Variants in UNC80 observed in about 807,000 individuals in gnomAD.
UNC80 encodes unc-80 subunit of NALCN channel complex, also known as protein unc-80 homolog.
Under a neutral mutation model 384.6 loss-of-function variants are expected in UNC80, and 164 were observed. The observed-to-expected ratio is 0.43, with a 90% CI of 0.38 to 0.49. The LOEUF (loss-of-function observed/expected upper bound fraction) is 0.49, where lower values mean the gene tolerates loss of function less well. Ranked by LOEUF, UNC80 falls within the 20% of genes least tolerant of loss-of-function variation. The probability of loss-of-function intolerance (pLI) is 0.00; values close to 1 mark genes in which losing one functional copy is unlikely to be tolerated. For missense variants in UNC80, 3,330 were observed against 4,143.0 expected (o/e 0.80, Z 5.39); for synonymous variants, 1,486 against 1,527.8 (o/e 0.97, Z 0.64).
At chr2:209,887,982 T>A (rs972143783) in intron 25 of UNC80, 113 bp from the exon 26 acceptor site, 14 of 893,184 alleles carry the variant, frequency 1.6e-5, no homozygotes, top group South Asian at 4.3e-5. Flanking sequence ...GATAAAGGAA[T>A]CTGGCTGTTT....
chr2:209,837,408 A>T (rs2081398535), intron 18 of UNC80, among the ~76,000 whole-genome samples: 1 of 152,228 alleles, frequency 6.6e-6, no homozygotes, highest in Non-Finnish European at 1.5e-5. Flanking sequence ...AAATGGAAAT[A>T]CCACCAACTA....
chr2:209,886,664 G>A (rs1197727525), intron 25 of UNC80, among the ~76,000 whole-genome samples: 1 of 152,066 alleles, frequency 6.6e-6, no homozygotes, highest in African/African-American at 2.4e-5. Context: ...CCCCCAATGT[G>A]TGATACTGCT....
At chr2:209,785,173 TG>T (rs2077355919) in intron 4 of UNC80, among the ~76,000 whole-genome samples, 2 of 152,162 alleles carry the variant, frequency 1.3e-5, no homozygotes, top group South Asian at 4.1e-4. Context: ...ATATGCAAGC[TG>T]GGGTTGCAAA....
rs572198671 is a variant in UNC80 at position 209,911,364 on chromosome 2, A to G, written c.4783-1196A>G. Among the ~76,000 whole-genome samples the G allele has an allele frequency of 2.0e-5, 3 of 152,332 alleles. No homozygotes were observed. In the South Asian group the frequency reaches 6.2e-4, roughly 32 times the overall value. On this transcript the variant is annotated intron_variant, in intron 29 of 64. Coordinates refer to ENST00000673920, the MANE Select transcript of UNC80 (RefSeq NM_001371986.1). ...TCACAGGGGAAAAAAGCAAAGCAAT[A>G]GTTATCTCCCCAAATAATATGTGTT...
intron 35 of UNC80, among the ~76,000 whole-genome samples, chr2:209,924,800 C>T (rs1202278067): frequency 2.0e-5 from 3 of 150,872 alleles, no homozygotes; most frequent in African/African-American, 7.3e-5. Context: ...GGAAAATGCC[C>T]TGGGGATAAA....
At chr2:209,831,919 A>G (rs2153828668) in intron 16 of UNC80, among the ~76,000 whole-genome samples, 1 of 152,310 alleles carries the variant, frequency 6.6e-6, no homozygotes, top group Non-Finnish European at 1.5e-5. Context: ...TAAAATACTA[A>G]AGAATGTTAT....
chr2:209,986,484 C>T (rs764705012), intron 61 of UNC80, among the ~76,000 whole-genome samples: 3 of 152,182 alleles, frequency 2.0e-5, no homozygotes, highest in Non-Finnish European at 2.9e-5. Flanking sequence ...TCAGTGTGTC[C>T]TGGTTCCAGT....
intron 29 of UNC80, among the ~76,000 whole-genome samples, chr2:209,909,697 C>G (rs1489744759): frequency 2.6e-5 from 4 of 152,136 alleles, no homozygotes; most frequent in African/African-American, 9.7e-5. Context: ...ATTGGTTTTG[C>G]ATTGGTAATC....
intron 22 of UNC80, 90 bp downstream of exon 22, chr2:209,849,713 C>T: frequency 1.5e-6 from 2 of 1,326,504 alleles, no homozygotes; most frequent in East Asian, 5.1e-5. Context: ...TTGTAATCCT[C>T]CTGTGTTTGT....
chr2:209,894,344 C>T lies in UNC80; in HGVS notation c.4458C>T (p.Ser1486=). 1.0e-6 allele frequency: 1 copy of T among 985,318 alleles called. No individual in the cohort carries two copies. Among genetic ancestry groups the T allele is most frequent in the Non-Finnish European group, 1.2e-6 (1 of 829,912 alleles). The allele number at this position is 985,318 out of a possible 1,614,324, so 61.0% of individuals were successfully genotyped here. Residue 1486 remains serine (S), a synonymous_variant, in exon 27 of 65, where the codon AGC becomes AGT. Coordinates refer to ENST00000673920, the MANE Select transcript of UNC80 (RefSeq NM_001371986.1). ...SEAEELQLSQ[S]RDTVTDLEGS... The stretch of plus-strand genomic sequence containing the variant: ...CTGAGGAGCTGCAGCTGTCCCAGAG[C>T]AGGGACACTGTCACTGACCTAGGTA...
At chr2:209,846,278 C>T (rs1328514307) in intron 21 of UNC80, among the ~76,000 whole-genome samples, 2 of 152,028 alleles carry the variant, frequency 1.3e-5, no homozygotes, top group Non-Finnish European at 2.9e-5. Context: ...ATCTGGTGAA[C>T]ATGAAATAGA....
At chr2:209,905,834 G>T (rs944393027) in intron 29 of UNC80, among the ~76,000 whole-genome samples, 9 of 152,176 alleles carry the variant, frequency 5.9e-5, no homozygotes, top group Admixed American at 3.3e-4. Flanking sequence ...AGCTGAGCTG[G>T]CAGGAGATGA....
At chr2:209,942,249 G>C (rs2091680009) in intron 44 of UNC80, among the ~76,000 whole-genome samples, 1 of 152,066 alleles carries the variant, frequency 6.6e-6, no homozygotes, top group South Asian at 2.1e-4. Context: ...ACTCACCCTG[G>C]TCCATGAAAA....
chr2:209,865,247 G>T (rs1215378614), intron 22 of UNC80, among the ~76,000 whole-genome samples: 2 of 151,666 alleles, frequency 1.3e-5, no homozygotes, highest in Non-Finnish European at 2.9e-5. Context: ...TTTTCAATGG[G>T]AGCCTCCGAA....
chr2:209,954,404 C>A, intron 48 of UNC80, 134 bp downstream of exon 48: 1 of 811,246 alleles, frequency 1.2e-6, no homozygotes, highest in Non-Finnish European at 1.8e-6. Context: ...AAACTCAGCC[C>A]TTTATGCCTT....
intron 1 of UNC80, 85 bp downstream of exon 1, chr2:209,772,249 C>G: frequency 1.5e-6 from 1 of 646,916 alleles, no homozygotes; most frequent in Non-Finnish European, 2.2e-6. Context: ...CCGCCGCCGC[C>G]GCTGAGGCCG....
chr2:209,944,784 T>G (rs2091832316), intron 45 of UNC80, among the ~76,000 whole-genome samples: 1 of 152,166 alleles, frequency 6.6e-6, no homozygotes, highest in Non-Finnish European at 1.5e-5. Context: ...ATATGAACTT[T>G]TTGGAAGTTC....
chr2:209,902,540 CTTCA>C (rs1371577417), intron 28 of UNC80, among the ~76,000 whole-genome samples: 1 of 152,112 alleles, frequency 6.6e-6, no homozygotes, highest in East Asian at 1.9e-4. Context: ...GGCCAAACTT[CTTCA>C]TTGTCTAATT....
At chr2:209,983,808 G>T (rs562741621) in intron 60 of UNC80, among the ~76,000 whole-genome samples, 1 of 152,108 alleles carries the variant, frequency 6.6e-6, no homozygotes, top group East Asian at 1.9e-4. Context: ...TATCTTGATT[G>T]TACATTTTCT....
Sources: allele counts gnomAD v4.1 joint callset (sites outside exome capture counted in the v4.1 genomes callset), GRCh38; gene constraint gnomAD v4.1.1; transcripts MANE v1.5; gene names NCBI Gene and HGNC (gene_info 2026-07-23, HGNC 2026-07-21).